The following DAAM1 variants were observed in gnomAD, a reference collection of about 807,000 sequenced individuals.
The protein encoded by DAAM1 is dishevelled associated activator of morphogenesis 1.
A neutral mutation model predicts 130.0 loss-of-function variants in DAAM1; 52 were observed. That is an observed-to-expected ratio of 0.40 (90% CI 0.32 to 0.50). The LOEUF (loss-of-function observed/expected upper bound fraction) is 0.50. Ranked by LOEUF, DAAM1 falls within the 20% of genes least tolerant of loss-of-function variation. The pLI is 0.61. For synonymous variants in DAAM1, 452 were observed against 444.5 expected (o/e 1.02, Z -0.21); for missense variants, 1,134 against 1,303.8 (o/e 0.87, Z 2.01).
chr14:59,353,278 T>G (rs754107488), intron 18 of DAAM1, among the ~76,000 whole-genome samples: 1 of 152,222 alleles, frequency 6.6e-6, no homozygotes. Flanking sequence ...CCAGTGGTCC[T>G]GAAACTTTCA....
chr14:59,313,787 TA>T (rs1884683664), intron 3 of DAAM1, among the ~76,000 whole-genome samples: 1 of 152,232 alleles, frequency 6.6e-6, no homozygotes, highest in Non-Finnish European at 1.5e-5. Flanking sequence ...ATTAACATGT[TA>T]AAGTATAACC....
intron 3 of DAAM1, among the ~76,000 whole-genome samples, chr14:59,311,982 A>T (rs1468338189): frequency 6.6e-6 from 1 of 152,162 alleles, no homozygotes; most frequent in Admixed American, 6.6e-5. Context: ...TACAGGTGTG[A>T]GCCACTGCAC....
chr14:59,259,186 C>G (rs1374307647), intron 1 of DAAM1, among the ~76,000 whole-genome samples: 1 of 152,194 alleles, frequency 6.6e-6, no homozygotes, highest in East Asian at 1.9e-4. Context: ...GATTGTACCT[C>G]TGTGTGCAAA....
intron 8 of DAAM1, 41 bp downstream of exon 8, chr14:59,324,495 C>T (rs1428349067): frequency 2.8e-6 from 4 of 1,409,314 alleles, no homozygotes; most frequent in East Asian, 2.5e-5. Context: ...TTCTGTGTTT[C>T]CCATCTGTGT....
intron 3 of DAAM1, among the ~76,000 whole-genome samples, chr14:59,305,616 C>G (rs909517848): frequency 2.0e-5 from 3 of 152,198 alleles, no homozygotes; most frequent in African/African-American, 7.2e-5. Context: ...CCCACATCCC[C>G]TCTAACCACC....
chr14:59,198,844 T>G (rs8017253), intron 1 of DAAM1, among the ~76,000 whole-genome samples: 29,474 of 152,254 alleles, frequency 0.19, 3,491 homozygotes, highest in South Asian at 0.27. Context: ...TAGGTTCAGT[T>G]TGGGTAATCG....
chr14:59,204,487 T>C (rs1338090237), intron 1 of DAAM1, among the ~76,000 whole-genome samples: 1 of 152,214 alleles, frequency 6.6e-6, no homozygotes, highest in Non-Finnish European at 1.5e-5. Flanking sequence ...GAGGCTGATA[T>C]TAAAGGGCTC....
Position 59,360,832 on chromosome 14 carries a change from C to T in DAAM1, c.2664C>T (p.Thr888=). The change falls in exon 22 of 25, where the codon ACC becomes ACT. Residue 888 remains threonine, a synonymous_variant. Coordinates refer to ENST00000360909, the MANE Select transcript of DAAM1 (RefSeq NM_001270520.2). ...NMTELDKEIS[T]LRSGLKAVET... is the part of the protein sequence containing the mutation. ...CTGAGCTGGACAAAGAAATAAGTACCTTGAGAAGTGGCTTGAAAGCAGTAG... is the reference window on the plus strand; with the variant it reads ...CTGAGCTGGACAAAGAAATAAGTACTTTGAGAAGTGGCTTGAAAGCAGTAG... The T allele has an allele frequency of 1.9e-6, 3 of 1,613,778 alleles. No individual in the cohort carries two copies. The highest frequency in any genetic ancestry group is 1.1e-5 in the South Asian group (1 of 91,006).
chr14:59,272,468 T>G (rs1166465397), intron 2 of DAAM1, among the ~76,000 whole-genome samples: 5 of 151,844 alleles, frequency 3.3e-5, no homozygotes. Context: ...CCCAGCTACT[T>G]AGGAGGCTGA....
chr14:59,247,274 C>A (rs938244785), intron 1 of DAAM1, among the ~76,000 whole-genome samples: 1 of 152,140 alleles, frequency 6.6e-6, no homozygotes, highest in Non-Finnish European at 1.5e-5. Flanking sequence ...TAGTACCATG[C>A]TGTTTTGATT....
intron 2 of DAAM1, among the ~76,000 whole-genome samples, chr14:59,274,765 T>TA (rs1262428985): frequency 6.6e-6 from 1 of 152,220 alleles, no homozygotes; most frequent in Non-Finnish European, 1.5e-5. Context: ...GGCTGATTCT[T>TA]ATACTCTGCC....
chr14:59,227,468 A>T (rs1050032223), intron 1 of DAAM1, among the ~76,000 whole-genome samples: 3 of 152,146 alleles, frequency 2.0e-5, no homozygotes, highest in Admixed American at 6.5e-5. Context: ...CTTGTTTGGG[A>T]TGGCCAGGTA....
chr14:59,330,704 C>T lies in DAAM1; in HGVS notation c.1560+16C>T, dbSNP rs1403823565. 4 of 1,593,894 alleles carry T rather than the reference C, an allele frequency of 2.5e-6. No homozygotes were observed. The highest frequency in any genetic ancestry group is 1.7e-6 in the Non-Finnish European group (2 of 1,171,266). ...GCTCAGCAGGGTGAGGTCTTCCGCT[C>T]AGCTCACGGGCAGCTGCCAAGGCCT... On this transcript the variant is annotated intron_variant, in intron 13 of 24. Coordinates refer to ENST00000360909, the MANE Select transcript of DAAM1 (RefSeq NM_001270520.2).
chr14:59,362,964 A>G (rs1566510064), intron 22 of DAAM1: 1 of 152,312 alleles, frequency 6.6e-6, no homozygotes, highest in African/African-American at 2.4e-5. Flanking sequence ...TCCCTCACTC[A>G]TAGGGATGTT....
chr14:59,350,329 C>A (rs1886242483), intron 17 of DAAM1, among the ~76,000 whole-genome samples: 1 of 152,032 alleles, frequency 6.6e-6, no homozygotes, highest in Non-Finnish European at 1.5e-5. Flanking sequence ...CTACTCTTAG[C>A]TCATTCAAGT....
intron 23 of DAAM1, among the ~76,000 whole-genome samples, chr14:59,365,372 CTTTTAT>C (rs1309351185): frequency 6.6e-6 from 1 of 152,160 alleles, no homozygotes; most frequent in African/African-American, 2.4e-5. Context: ...CATACCAGAA[CTTTTAT>C]AAGTTAGCAT....
chr14:59,285,869 C>CAGAAAACTA (rs1883427856), intron 2 of DAAM1, among the ~76,000 whole-genome samples: 1 of 152,078 alleles, frequency 6.6e-6, no homozygotes, highest in South Asian at 2.1e-4. Flanking sequence ...ATCATTGAGG[C>CAGAAAACTA]AGAAAACTAA....
intron 1 of DAAM1, among the ~76,000 whole-genome samples, chr14:59,214,796 G>A (rs894706282): frequency 7.9e-5 from 12 of 152,052 alleles, no homozygotes; most frequent in African/African-American, 2.7e-4. Context: ...TAATGCTGCC[G>A]TCAACATTTG....
rs1344588384 is a variant in DAAM1 at position 59,355,174 on chromosome 14, C to T, written c.2366C>T (p.Ser789Phe). 1 of 1,607,888 alleles carries T rather than the reference C, an allele frequency of 6.2e-7. No homozygotes were observed. The highest frequency in any genetic ancestry group is 1.1e-5 in the South Asian group (1 of 90,152). The change falls in exon 20 of 25, where the codon TCT becomes TTT. Residue 789 changes from serine (S) to phenylalanine (F), a missense_variant. Physicochemically the swap from Ser to Phe is radical, Grantham distance 155. Transcript: ENST00000360909. ...GTGTTTTGTTTTGAAGCAATTCGTT[C>T]TGGCTCAGAAGAGGTGTTTAGGAGT... is the stretch of plus-strand genomic sequence containing the variant. ...EVKPKVEAIR[S>F]GSEEVFRSGA...
Sources: gnomAD v4.1 joint callset for allele counts (sites outside exome capture counted in the v4.1 genomes callset) on GRCh38, gnomAD v4.1.1 for gene constraint, MANE v1.5 for transcripts, NCBI Gene and HGNC (gene_info 2026-07-23, HGNC 2026-07-21) for gene names.